Variants in IQCJ observed in about 807,000 individuals in gnomAD.
IQCJ encodes the protein IQ motif containing J.
Under a neutral mutation model 11.0 loss-of-function variants are expected in IQCJ, and 9 were observed. The ratio of observed to expected loss-of-function variants is 0.82; its 90% CI spans 0.49 to 1.43. IQCJ has a LOEUF of 1.43. Ranked by LOEUF, IQCJ falls within the 40% of genes most tolerant of loss-of-function variation. IQCJ has a pLI of 0.00. For missense variants in IQCJ, 146 were observed against 133.2 expected (o/e 1.10, Z -0.47); for synonymous variants, 55 against 51.3 (o/e 1.07, Z -0.31).
At chr3:159,179,878 G>C (rs574308724) in intron 1 of IQCJ, among the ~76,000 whole-genome samples, 1 of 152,250 alleles carries the variant, frequency 6.6e-6, no homozygotes, top group African/African-American at 2.4e-5. Flanking sequence ...CCATGACTCT[G>C]TGATCAAGAC....
chr3:159,083,671 A>G (rs919181384), intron 1 of IQCJ, among the ~76,000 whole-genome samples: 1 of 152,184 alleles, frequency 6.6e-6, no homozygotes, highest in African/African-American at 2.4e-5. Flanking sequence ...TGTACATAGC[A>G]GCTTTAGTCT....
intron 1 of IQCJ, among the ~76,000 whole-genome samples, chr3:159,214,755 G>A (rs1173526970): frequency 1.3e-5 from 2 of 152,200 alleles, no homozygotes; most frequent in African/African-American, 4.8e-5. Flanking sequence ...GTGAGCTACA[G>A]GATTTCAGCT....
chr3:159,215,282 T>C (rs1382447196), intron 1 of IQCJ, among the ~76,000 whole-genome samples: 1 of 152,158 alleles, frequency 6.6e-6, no homozygotes, highest in African/African-American at 2.4e-5. Context: ...GATTCCTCTT[T>C]TCCTCTTCAG....
At chr3:159,141,098 A>G (rs1183086411) in intron 1 of IQCJ, among the ~76,000 whole-genome samples, 1 of 152,228 alleles carries the variant, frequency 6.6e-6, no homozygotes. Context: ...GAGGCCAGGA[A>G]CAACTGTTTC....
intron 1 of IQCJ, among the ~76,000 whole-genome samples, chr3:159,189,128 A>T (rs541476010): frequency 6.6e-6 from 1 of 152,298 alleles, no homozygotes; most frequent in South Asian, 2.1e-4. Flanking sequence ...AGAGAGTAGG[A>T]TGCAGAAGAT....
chr3:159,075,158 G>T (rs1231942128), intron 1 of IQCJ, among the ~76,000 whole-genome samples: 2 of 152,116 alleles, frequency 1.3e-5, no homozygotes, highest in Non-Finnish European at 2.9e-5. Context: ...GTACAGAAAT[G>T]AATAGTAAGT....
At chr3:159,101,532 C>T (rs188163776) in intron 1 of IQCJ, among the ~76,000 whole-genome samples, 6 of 152,316 alleles carry the variant, frequency 3.9e-5, no homozygotes, top group Admixed American at 3.9e-4. Context: ...CATCAACTAT[C>T]ATCCCCATGT....
At chr3:159,208,180 T>C (rs1407676721) in intron 1 of IQCJ, among the ~76,000 whole-genome samples, 2 of 152,138 alleles carry the variant, frequency 1.3e-5, no homozygotes, top group South Asian at 2.1e-4. Flanking sequence ...TGACAGATGA[T>C]AGAAAGGGCC....
chr3:159,156,354 G>C (rs1474392427), intron 1 of IQCJ, among the ~76,000 whole-genome samples: 1 of 152,160 alleles, frequency 6.6e-6, no homozygotes. Context: ...ATTGATGGGG[G>C]CCCTGTGCTA....
At chr3:159,107,067 T>A (rs983854356) in intron 1 of IQCJ, among the ~76,000 whole-genome samples, 1 of 152,214 alleles carries the variant, frequency 6.6e-6, no homozygotes, top group African/African-American at 2.4e-5. Context: ...GTTATTCATA[T>A]TCAAAGTGTC....
intron 1 of IQCJ, among the ~76,000 whole-genome samples, chr3:159,244,305 T>G (rs1727113499): frequency 2.6e-5 from 4 of 152,166 alleles, no homozygotes; most frequent in South Asian, 4.2e-4. Flanking sequence ...GACTGGCAGC[T>G]GGCATGTTTC....
At chr3:159,248,861 A>ATTT (rs111648681) in intron 2 of IQCJ, among the ~76,000 whole-genome samples, 4 of 146,000 alleles carry the variant, frequency 2.7e-5, no homozygotes, top group Non-Finnish European at 4.5e-5. Context: ...TTCATTATTG[A>ATTT]TTTTTTTTTT....
chr3:159,148,331 T>C (rs566270473), intron 1 of IQCJ, among the ~76,000 whole-genome samples: 125 of 152,304 alleles, frequency 8.2e-4, no homozygotes, highest in Non-Finnish European at 9.1e-4. Context: ...TGTCCTAATT[T>C]CCCCACTTAA....
chr3:159,090,598 G>A (rs538609400), intron 1 of IQCJ, among the ~76,000 whole-genome samples: 1 of 151,872 alleles, frequency 6.6e-6, no homozygotes, highest in East Asian at 1.9e-4. Flanking sequence ...AGGCACATAT[G>A]GGTGTGTCAT....
chr3:159,129,136 T>C (rs1266307809), intron 1 of IQCJ, among the ~76,000 whole-genome samples: 2 of 152,158 alleles, frequency 1.3e-5, no homozygotes, highest in Admixed American at 1.3e-4. Flanking sequence ...ATCACAAGTC[T>C]CTGATGTATT....
At chr3:159,157,877 T>G (rs1473138001) in intron 1 of IQCJ, among the ~76,000 whole-genome samples, 2 of 152,300 alleles carry the variant, frequency 1.3e-5, no homozygotes, top group African/African-American at 4.8e-5. Flanking sequence ...CAGAGGGAGC[T>G]TCCTTATTCT....
chr3:159,138,713 G>A (rs1720435245), intron 1 of IQCJ, among the ~76,000 whole-genome samples: 1 of 152,158 alleles, frequency 6.6e-6, no homozygotes, highest in African/African-American at 2.4e-5. Flanking sequence ...TAATGGTCAT[G>A]TTCACCTTCA....
intron 1 of IQCJ, among the ~76,000 whole-genome samples, chr3:159,083,269 C>A (rs1457281441): frequency 6.6e-6 from 1 of 152,052 alleles, no homozygotes; most frequent in Non-Finnish European, 1.5e-5. Flanking sequence ...CCATAAATAA[C>A]CCAAATAATC....
At chr3:159,151,056 G>A (rs904610515) in intron 1 of IQCJ, among the ~76,000 whole-genome samples, 8 of 152,202 alleles carry the variant, frequency 5.3e-5, no homozygotes, top group African/African-American at 1.9e-4. Context: ...TAGAATCAAT[G>A]TCAAACTTTT....
Sources: allele counts gnomAD v4.1 joint callset (sites outside exome capture counted in the v4.1 genomes callset), GRCh38; gene constraint gnomAD v4.1.1; transcripts MANE v1.5; gene names NCBI Gene and HGNC (gene_info 2026-07-23, HGNC 2026-07-21).